SLIT3: variants seen among roughly 807,000 people sequenced by gnomAD.
The protein encoded by SLIT3 is slit homolog 3 protein.
Under a neutral mutation model 184.0 loss-of-function variants are expected in SLIT3, and 68 were observed. The ratio of observed to expected loss-of-function variants is 0.37; its 90% CI spans 0.30 to 0.45. The LOEUF is 0.45. Ranked by LOEUF, SLIT3 falls within the 20% of genes least tolerant of loss-of-function variation. The pLI is 1.00. For missense variants in SLIT3, 1,707 were observed against 2,026.0 expected (o/e 0.84, Z 3.02); for synonymous variants, 831 against 828.6 (o/e 1.00, Z -0.05).
chr5:168,866,506 C>T (rs966672648), intron 5 of SLIT3, among the ~76,000 whole-genome samples: 2 of 152,242 alleles, frequency 1.3e-5, no homozygotes, highest in Non-Finnish European at 2.9e-5. Flanking sequence ...CTCATCTCCA[C>T]TCCTGGCCAG....
chr5:168,788,288 A>T (rs1756232701), intron 11 of SLIT3, among the ~76,000 whole-genome samples: 1 of 152,164 alleles, frequency 6.6e-6, no homozygotes, highest in Admixed American at 6.5e-5. Context: ...CAGATGTTCT[A>T]TTCGATAAAT....
At chr5:168,827,082 T>C (rs541500324) in intron 6 of SLIT3, among the ~76,000 whole-genome samples, 1 of 152,284 alleles carries the variant, frequency 6.6e-6, no homozygotes, top group South Asian at 2.1e-4. Context: ...TTCATTTAAT[T>C]CCTCCAATTA....
Position 169,159,381 on chromosome 5 carries a change from G to A in SLIT3, c.413+34098C>T, listed in dbSNP as rs187034668. Among the ~76,000 whole-genome samples the A allele has an allele frequency of 5.5e-3, 835 of 152,258 alleles. 12 individuals carry two copies. Among genetic ancestry groups the A allele is most frequent in the African/African-American group, 0.019 (779 of 41,546 alleles). ...GTAGAGATTGCAGTGAGCTGAGATCGTGCCATTGCACTCCAGCTTGGGCAA... is the reference window on the plus strand; with the variant it reads ...GTAGAGATTGCAGTGAGCTGAGATCATGCCATTGCACTCCAGCTTGGGCAA... On this transcript the variant is annotated intron_variant, in intron 4 of 35. Coordinates refer to ENST00000519560, the MANE Select transcript of SLIT3 (RefSeq NM_003062.4).
At position 168,898,345 on chromosome 5, in the gene SLIT3, C is replaced by T. The variant is rs552746514; in HGVS notation, c.414-15009G>A. ...ATCAAGAAAAGTGGCAGGAAGTGGT[C>T]CCCCGGGATGTCAGGCACAGATGAA... is the stretch of plus-strand genomic sequence containing the variant. On this transcript the variant is annotated intron_variant, in intron 4 of 35. Coordinates refer to ENST00000519560, the MANE Select transcript of SLIT3 (RefSeq NM_003062.4). 5.9e-5 allele frequency among the ~76,000 whole-genome samples: 9 copies of T among 151,784 alleles called. No individual in the cohort carries two copies. In the South Asian group the frequency reaches 1.9e-3, roughly 32 times the overall value.
chr5:169,113,909 C>T lies in SLIT3; in HGVS notation c.413+79570G>A, dbSNP rs1366678034. On this transcript the variant is annotated intron_variant, in intron 4 of 35. Transcript: ENST00000519560. ...GGCCTCGTCATCTGCCCGTCTCAGC[C>T]TCCCAAAGTGCTGGGATTACAAGCA... 2.0e-5 allele frequency among the ~76,000 whole-genome samples: 3 copies of T among 152,242 alleles called. No homozygotes were observed. In the East Asian group the frequency reaches 5.8e-4, roughly 29 times the overall value.
chr5:168,863,928 G>A (rs1341522555), intron 5 of SLIT3, among the ~76,000 whole-genome samples: 1 of 151,836 alleles, frequency 6.6e-6, no homozygotes, highest in Admixed American at 6.6e-5. Context: ...ATATATAAAA[G>A]CATGTGTGGG....
intron 6 of SLIT3, among the ~76,000 whole-genome samples, chr5:168,834,537 C>T (rs1424092346): frequency 1.3e-5 from 2 of 151,154 alleles, no homozygotes; most frequent in African/African-American, 4.9e-5. Context: ...ACTAAAAATA[C>T]AAAAATCAGC....
rs1198410321 is a variant in SLIT3 at position 169,063,234 on chromosome 5, A to C, written c.413+130245T>G. ...CTGCATGAGGGTCAGTGCATGATTC[A>C]GGGCAGACTTTCAGGGTCAGTCCTG... On this transcript the variant is annotated intron_variant, in intron 4 of 35. Transcript: ENST00000519560. 3.3e-5 allele frequency among the ~76,000 whole-genome samples: 5 copies of C among 152,216 alleles called. No individual in the cohort carries two copies. The East Asian group carries it at 9.6e-4, about 29-fold the overall frequency.
At chr5:169,042,676 T>C (rs557361569) in intron 4 of SLIT3, among the ~76,000 whole-genome samples, 1 of 152,300 alleles carries the variant, frequency 6.6e-6, no homozygotes, top group Non-Finnish European at 1.5e-5. Flanking sequence ...AGCTCCCTTA[T>C]ATATTACAGT....
chr5:168,850,725 A>G (rs1036152203), intron 5 of SLIT3, among the ~76,000 whole-genome samples: 11 of 152,262 alleles, frequency 7.2e-5, no homozygotes, highest in Non-Finnish European at 1.5e-4. Context: ...CATAGCTAGC[A>G]TAACACCTTC....
chr5:168,815,106 T>C (rs1406605606), intron 8 of SLIT3, among the ~76,000 whole-genome samples: 1 of 152,240 alleles, frequency 6.6e-6, no homozygotes, highest in Non-Finnish European at 1.5e-5. Context: ...AAAAGACACC[T>C]GGCTTCATAC....
At chr5:168,884,482 C>A (rs1373910016) in intron 4 of SLIT3, among the ~76,000 whole-genome samples, 1 of 111,530 alleles carries the variant, frequency 9.0e-6, no homozygotes, top group African/African-American at 3.3e-5. Flanking sequence ...AAAGAACACC[C>A]GAAAAACCCT....
At chr5:169,150,439 A>G (rs1047757558) in intron 4 of SLIT3, among the ~76,000 whole-genome samples, 1 of 152,076 alleles carries the variant, frequency 6.6e-6, no homozygotes, top group South Asian at 2.1e-4. Flanking sequence ...CAAAGGTCTA[A>G]CTAAGGAAGA....
intron 27 of SLIT3, among the ~76,000 whole-genome samples, chr5:168,696,683 G>A (rs776697154): frequency 6.6e-6 from 1 of 152,112 alleles, no homozygotes; most frequent in East Asian, 1.9e-4. Flanking sequence ...TGGCTGCCTC[G>A]CTCTGGGGCT....
intron 20 of SLIT3, among the ~76,000 whole-genome samples, chr5:168,746,051 T>C (rs1195960115): frequency 1.3e-5 from 2 of 152,228 alleles, no homozygotes; most frequent in African/African-American, 2.4e-5. Flanking sequence ...GCACACTTAA[T>C]AGACTACGGT....
At chr5:168,718,704 A>ATT (rs1762832271) in intron 23 of SLIT3, among the ~76,000 whole-genome samples, 1 of 136,728 alleles carries the variant, frequency 7.3e-6, no homozygotes, top group African/African-American at 2.8e-5. Flanking sequence ...ACACACACAC[A>ATT]CACACACACA....
chr5:168,761,531 T>A (rs771174218), intron 15 of SLIT3, among the ~76,000 whole-genome samples: 35 of 152,074 alleles, frequency 2.3e-4, no homozygotes, highest in Non-Finnish European at 5.0e-4. Context: ...TGCATCATCT[T>A]TCTTAGTCTC....
intron 26 of SLIT3, among the ~76,000 whole-genome samples, chr5:168,700,925 C>T (rs913699822): frequency 2.6e-5 from 4 of 152,200 alleles, no homozygotes; most frequent in South Asian, 2.1e-4. Context: ...CTCACTACTT[C>T]GCAGAATTTG....
At chr5:168,948,217 G>A (rs902870679) in intron 4 of SLIT3, among the ~76,000 whole-genome samples, 1 of 152,134 alleles carries the variant, frequency 6.6e-6, no homozygotes, top group Admixed American at 6.5e-5. Flanking sequence ...GCCTTGTCCG[G>A]GGCCTGATGC....
Sources: allele counts gnomAD v4.1 joint callset (sites outside exome capture counted in the v4.1 genomes callset), GRCh38; gene constraint gnomAD v4.1.1; transcripts MANE v1.5; gene names NCBI Gene and HGNC (gene_info 2026-07-23, HGNC 2026-07-21).